Variants in KCNK9 observed in about 807,000 individuals in gnomAD.
KCNK9 encodes the protein potassium channel subfamily K member 9.
KCNK9 carries 1 observed loss-of-function variant against 10.8 expected under a neutral mutation model. The observed-to-expected ratio is 0.09, with a 90% confidence interval of 0.03 to 0.44. KCNK9 has a LOEUF of 0.44. Ranked by LOEUF, KCNK9 falls within the 20% of genes least tolerant of loss-of-function variation. The pLI, the probability that KCNK9 is intolerant of heterozygous loss-of-function variation, is 0.97. For synonymous variants in KCNK9, 231 were observed against 222.7 expected (o/e 1.04, Z -0.33); for missense variants, 303 against 515.0 (o/e 0.59, Z 3.98).
chr8:139,625,301 G>A (rs769770527), intron 1 of KCNK9, among the ~76,000 whole-genome samples: 30 of 152,216 alleles, frequency 2.0e-4, no homozygotes, highest in East Asian at 9.6e-4. Context: ...CTGGTGGAAG[G>A]CTGGGGGCTC....
chr8:139,674,113 A>C (rs936857443), intron 1 of KCNK9, among the ~76,000 whole-genome samples: 11 of 152,142 alleles, frequency 7.2e-5, no homozygotes, highest in African/African-American at 2.4e-4. Flanking sequence ...GCATCCCCCC[A>C]GAGTTCTTAT....
rs555159870 is a variant in KCNK9 at position 139,632,027 on chromosome 8, G to A, written c.284-12928C>T. On this transcript the variant is annotated intron_variant, in intron 1 of 1. Coordinates refer to ENST00000520439, the MANE Select transcript of KCNK9 (RefSeq NM_001282534.2). ...AAGTTCCGGTCAAACCAGACCAGAT[G>A]AGAACCATAAAACCCGATGCCTCTT... Among the ~76,000 whole-genome samples the A allele has an allele frequency of 1.1e-4, 17 of 152,334 alleles. No homozygotes were observed. In the South Asian group the frequency reaches 1.9e-3, roughly 17 times the overall value.
Position 139,656,001 on chromosome 8 carries a change from G to C in KCNK9, c.284-36902C>G, listed in dbSNP as rs575121774. ...CAGGTAAAGTTTAAATCAGACAGAG[G>C]CTAGAGGCAAGCAGGGCGGCCCTCT... On this transcript the variant is annotated intron_variant, in intron 1 of 1. Coordinates refer to ENST00000520439, the MANE Select transcript of KCNK9 (RefSeq NM_001282534.2). 2.6e-5 allele frequency among the ~76,000 whole-genome samples: 4 copies of C among 151,312 alleles called. No individual in the cohort carries two copies. The East Asian group carries it at 7.9e-4, about 30-fold the overall frequency.
chr8:139,682,672 G>A (rs1816716099), intron 1 of KCNK9, among the ~76,000 whole-genome samples: 1 of 152,230 alleles, frequency 6.6e-6, no homozygotes, highest in Non-Finnish European at 1.5e-5. Context: ...GCCACAGGGA[G>A]CCATGGATGG....
At chr8:139,607,096 C>T (rs536694448) in intron 2 of KCNK9, among the ~76,000 whole-genome samples, 5 of 152,328 alleles carry the variant, frequency 3.3e-5, no homozygotes, top group African/African-American at 1.2e-4. Flanking sequence ...ATAGAGAAAT[C>T]TTGTTAATTG....
At chr8:139,684,514 C>T (rs1348773239) in intron 1 of KCNK9, among the ~76,000 whole-genome samples, 1 of 152,012 alleles carries the variant, frequency 6.6e-6, no homozygotes, top group Non-Finnish European at 1.5e-5. Flanking sequence ...TGAACATATA[C>T]ATAACAAATG....
intron 1 of KCNK9, among the ~76,000 whole-genome samples, chr8:139,627,034 G>C (rs1814999245): frequency 6.6e-6 from 1 of 152,202 alleles, no homozygotes; most frequent in East Asian, 1.9e-4. Context: ...AGTGATGCAT[G>C]GGTCGCGCGT....
At chr8:139,691,057 TA>T (rs1447987715) in intron 1 of KCNK9, among the ~76,000 whole-genome samples, 1 of 152,208 alleles carries the variant, frequency 6.6e-6, no homozygotes, top group Non-Finnish European at 1.5e-5. Flanking sequence ...CAGACATGAC[TA>T]ATCAATCACA....
chr8:139,657,126 C>T (rs898290931), intron 1 of KCNK9, among the ~76,000 whole-genome samples: 8 of 152,194 alleles, frequency 5.3e-5, no homozygotes, highest in Admixed American at 6.5e-5. Flanking sequence ...TTGCTGCCCT[C>T]AGGAAGCCTC....
chr8:139,665,187 C>T (rs1357853355), intron 1 of KCNK9, among the ~76,000 whole-genome samples: 1 of 152,166 alleles, frequency 6.6e-6, no homozygotes, highest in Non-Finnish European at 1.5e-5. Flanking sequence ...ATCAAGGGGT[C>T]GCAGGGCTGC....
intron 1 of KCNK9, among the ~76,000 whole-genome samples, chr8:139,694,286 C>T (rs1337372615): frequency 6.6e-6 from 1 of 152,200 alleles, no homozygotes; most frequent in Non-Finnish European, 1.5e-5. Flanking sequence ...ACCATCACAA[C>T]AAAGCTGCCA....
At chr8:139,616,747 A>C (rs1814602068), downstream of KCNK9, 1 of 152,200 alleles carries the variant, frequency 6.6e-6, no homozygotes, top group African/African-American at 2.4e-5. Context: ...CTTCATTTAC[A>C]AAAGAGGAAT....
At chr8:139,644,629 G>C (rs1296721253) in intron 1 of KCNK9, among the ~76,000 whole-genome samples, 1 of 152,110 alleles carries the variant, frequency 6.6e-6, no homozygotes, top group Non-Finnish European at 1.5e-5. Flanking sequence ...GGTGGACCTG[G>C]GTAGCACAGG....
At chr8:139,638,997 T>G (rs1815418523) in intron 1 of KCNK9, among the ~76,000 whole-genome samples, 1 of 152,082 alleles carries the variant, frequency 6.6e-6, no homozygotes, top group Non-Finnish European at 1.5e-5. Context: ...GCCTTTTTCC[T>G]ACCCATGTCC....
intron 1 of KCNK9, among the ~76,000 whole-genome samples, chr8:139,697,522 G>A (rs1325623193): frequency 6.6e-6 from 1 of 152,054 alleles, no homozygotes; most frequent in Non-Finnish European, 1.5e-5. Flanking sequence ...CAGGTGCATG[G>A]AGGACTAAGT....
chr8:139,680,329 C>T (rs1816661687), intron 1 of KCNK9, among the ~76,000 whole-genome samples: 1 of 152,204 alleles, frequency 6.6e-6, no homozygotes, highest in Non-Finnish European at 1.5e-5. Flanking sequence ...CACTTTCCAC[C>T]TCCCCACCCG....
downstream of KCNK9, among the ~76,000 whole-genome samples, chr8:139,612,918 G>T (rs1814475516): frequency 6.6e-6 from 1 of 152,148 alleles, no homozygotes; most frequent in Non-Finnish European, 1.5e-5. Context: ...AGACAGAAAT[G>T]GTGATGGGGA....
At chr8:139,652,869 G>A (rs952796977) in intron 1 of KCNK9, among the ~76,000 whole-genome samples, 2 of 152,184 alleles carry the variant, frequency 1.3e-5, no homozygotes, top group Admixed American at 1.3e-4. Context: ...GCAGGGGCCA[G>A]ACAGGGACAG....
downstream of KCNK9, among the ~76,000 whole-genome samples, chr8:139,609,919 T>TGTAA (rs1383926142): frequency 1.3e-5 from 2 of 152,140 alleles, no homozygotes; most frequent in Non-Finnish European, 2.9e-5. Flanking sequence ...CCCTTTAGTC[T>TGTAA]GTAAGTTAGA....
Sources: allele counts gnomAD v4.1 joint callset (sites outside exome capture counted in the v4.1 genomes callset), GRCh38; gene constraint gnomAD v4.1.1; transcripts MANE v1.5; gene names NCBI Gene and HGNC (gene_info 2026-07-23, HGNC 2026-07-21).